The following TRAIP variants were observed in gnomAD, a reference collection of about 807,000 sequenced individuals.
TRAIP encodes the protein TRAF interacting protein, also known as E3 ubiquitin-protein ligase TRAIP.
A neutral mutation model predicts 65.0 loss-of-function variants in TRAIP; 37 were observed. The ratio of observed to expected loss-of-function variants is 0.57; its 90% confidence interval spans 0.44 to 0.75. The LOEUF (loss-of-function observed/expected upper bound fraction) is 0.75, where lower values mean the gene tolerates loss of function less well. Ranked by LOEUF, TRAIP falls within the 30% of genes least tolerant of loss-of-function variation. The pLI is 0.00. For synonymous variants in TRAIP, 187 were observed against 219.1 expected, an observed-to-expected ratio of 0.85 and a Z score of 1.29; for missense variants, 481 against 579.4, an observed-to-expected ratio of 0.83 and a Z score of 1.74.
At chr3:49,847,082 A>G (rs1466943894) in intron 3 of TRAIP, among the ~76,000 whole-genome samples, 1 of 151,968 alleles carries the variant, frequency 6.6e-6, no homozygotes, top group Non-Finnish European at 1.5e-5. Flanking sequence ...CGGGAGGCTG[A>G]AGCAGGAGAA....
At chr3:49,829,901 G>A in intron 12 of TRAIP, 119 bp downstream of exon 12, 3 of 1,580,016 alleles carry the variant, frequency 1.9e-6, no homozygotes, top group Non-Finnish European at 2.6e-6. Flanking sequence ...GAATCCCAAG[G>A]GTGGCTCCGA....
In TRAIP at chr3:49,839,806, C is replaced by T. The variant is rs772493796; in HGVS notation, c.850G>A (p.Ala284Thr). 1 of 1,614,252 alleles carries T rather than the reference C, an allele frequency of 6.2e-7. No homozygotes were observed. The highest frequency in any genetic ancestry group is 8.5e-7 in the Non-Finnish European group (1 of 1,180,042). Reference protein sequence around the residue: ...LQETLNLPPVASETVDRLVLE... With the variant: ...LQETLNLPPVTSETVDRLVLE... ...ACCAGGCGGTCGACAGTCTCACTGGCCACTGGTGGCAGGTTCAAGGTTTCC... is the reference window on the plus strand; with the variant it reads ...ACCAGGCGGTCGACAGTCTCACTGGTCACTGGTGGCAGGTTCAAGGTTTCC... The change falls in exon 10 of 15, where the codon GCC (alanine) becomes ACC (threonine). Residue 284 changes from alanine (A) to threonine (T), a missense_variant. Transcript: ENST00000331456.
chr3:49,830,961 T>C (rs2081727055), intron 11 of TRAIP, among the ~76,000 whole-genome samples: 2 of 152,186 alleles, frequency 1.3e-5, no homozygotes, highest in Non-Finnish European at 2.9e-5. Flanking sequence ...TGGAAATGTC[T>C]CTGAAAGGCC....
intron 3 of TRAIP, among the ~76,000 whole-genome samples, chr3:49,845,158 T>C (rs1353763127): frequency 2.6e-5 from 4 of 152,204 alleles, no homozygotes; most frequent in African/African-American, 9.6e-5. Flanking sequence ...CCCATGTGTC[T>C]AGTCTCTAAC....
chr3:49,854,354 A>G (rs1379807969), intron 1 of TRAIP, among the ~76,000 whole-genome samples: 1 of 152,232 alleles, frequency 6.6e-6, no homozygotes, highest in Non-Finnish European at 1.5e-5. Context: ...AAAATACCAC[A>G]CATACACACA....
chr3:49,852,473 CG>C (rs1417323258), intron 1 of TRAIP, among the ~76,000 whole-genome samples: 1 of 143,240 alleles, frequency 7.0e-6, no homozygotes, highest in African/African-American at 2.6e-5. Context: ...TTGCTCCACA[CG>C]GCCAGGCGCG....
At chr3:49,844,818 A>G (rs1365370023) in intron 3 of TRAIP, among the ~76,000 whole-genome samples, 1 of 152,274 alleles carries the variant, frequency 6.6e-6, no homozygotes, top group Non-Finnish European at 1.5e-5. Context: ...GCAAGGCCCC[A>G]GGACAGGTAA....
At chr3:49,829,560 G>T (rs2081714216) in intron 13 of TRAIP, 52 bp from the exon 14 acceptor site, 2 of 1,614,038 alleles carry the variant, frequency 1.2e-6, no homozygotes, top group African/African-American at 2.7e-5. Context: ...TGGGGGGCTG[G>T]CCACCCATTT....
At chr3:49,842,024 C>T (rs1422209902) in intron 6 of TRAIP, 85 bp from the exon 7 acceptor site, 19 of 1,105,876 alleles carry the variant, frequency 1.7e-5, no homozygotes, top group South Asian at 7.9e-5. Context: ...CCTTTGCTGC[C>T]GTTGCTAAGG....
At chr3:49,855,279 G>A (rs543491562) in intron 1 of TRAIP, among the ~76,000 whole-genome samples, 11 of 152,034 alleles carry the variant, frequency 7.2e-5, no homozygotes, top group South Asian at 4.2e-4. Context: ...GAGAAACCCT[G>A]TCTATGAAAA....
At chr3:49,830,175 G>A (rs1281318766) in intron 11 of TRAIP, 107 bp from the exon 12 acceptor site, 2 of 1,255,990 alleles carry the variant, frequency 1.6e-6, no homozygotes, top group Non-Finnish European at 2.3e-6. Flanking sequence ...CACTGCTGCT[G>A]CCATGCCTGC....
At chr3:49,841,745 T>C in intron 7 of TRAIP, 81 bp downstream of exon 7, 4 of 1,140,750 alleles carry the variant, frequency 3.5e-6, no homozygotes, top group South Asian at 1.3e-5. Context: ...CCATCTGCTT[T>C]ACAAGAGATG....
At position 49,847,550 on chromosome 3, in the gene TRAIP, T is replaced by G. The variant is rs1159643369; in HGVS notation, c.215A>C (p.Asn72Thr). ...CTTTAAGAATTCTGCATCCAAGACA[T>G]TCTCCTCCTCCTGGGCAAGATCAAA... ...LFFDLAQEEENVLDAEFLKNE... is the reference protein window; with the variant it reads ...LFFDLAQEEETVLDAEFLKNE... The change falls in exon 3 of 15, where the codon AAT becomes ACT. Residue 72 changes from asparagine (N) to threonine (T), a missense_variant. Asn to Thr is a moderately conservative substitution (Grantham distance 65). Coordinates refer to ENST00000331456, the MANE Select transcript of TRAIP (RefSeq NM_005879.3). The G allele has an allele frequency of 6.2e-7, 1 of 1,612,280 alleles. No individual in the cohort carries two copies. Among genetic ancestry groups the G allele is most frequent in the Non-Finnish European group, 8.5e-7 (1 of 1,179,382 alleles).
At chr3:49,851,767 G>T (rs2081934019) in intron 1 of TRAIP, among the ~76,000 whole-genome samples, 1 of 147,516 alleles carries the variant, frequency 6.8e-6, no homozygotes, top group African/African-American at 2.5e-5. Context: ...TGCAATCTCG[G>T]CTCACTGCAA....
At position 49,831,966 on chromosome 3, in the gene TRAIP, G is replaced by C; in HGVS notation, c.987C>G (p.Pro329=). 6.2e-7 allele frequency: 1 copy of C among 1,604,674 alleles called. No homozygotes were observed. Among genetic ancestry groups the C allele is most frequent in the Non-Finnish European group, 8.5e-7 (1 of 1,175,610 alleles). ...CGTAGTAACCATGCTGGGAGCTGGA[G>C]GGCCGGGCTGGGGGAGTATCCACAT... ...TFDVDTPPAR[P]SSSQHGYYEK... is the part of the protein sequence containing the mutation. The change falls in exon 11 of 15, where the codon CCC becomes CCG. Residue 329 remains proline, a synonymous_variant. Transcript: ENST00000331456.
chr3:49,840,300 G>T lies in TRAIP; in HGVS notation c.779C>A (p.Ala260Asp). 6.2e-7 allele frequency: 1 copy of T among 1,614,082 alleles called. No individual in the cohort carries two copies. Among genetic ancestry groups the T allele is most frequent in the Non-Finnish European group, 8.5e-7 (1 of 1,179,904 alleles). Residue 260 changes from alanine to aspartate, a missense_variant, in exon 9 of 15, where the codon GCT (alanine) becomes GAT (aspartate). Transcript: ENST00000331456. ...LKSAQKDLQS[A>D]DKEIMSLKKK... is the part of the protein sequence containing the mutation. ...GTCCCTCACCATGATTTCCTTGTCA[G>T]CACTCTGTAAGTCCTTCTGGGCTGA... is the stretch of plus-strand genomic sequence containing the variant.
intron 10 of TRAIP, among the ~76,000 whole-genome samples, chr3:49,832,945 A>C (rs2081749216): frequency 6.6e-6 from 1 of 152,122 alleles, no homozygotes; most frequent in Non-Finnish European, 1.5e-5. Context: ...GAGGAAGCCT[A>C]CCTGCATTGA....
chr3:49,833,947 T>C (rs2081758912), intron 10 of TRAIP, among the ~76,000 whole-genome samples: 1 of 152,120 alleles, frequency 6.6e-6, no homozygotes. Flanking sequence ...CTTGAGGCCC[T>C]CCTGAGTGAC....
Position 49,839,869 on chromosome 3 carries a change from G to C in TRAIP, c.796-9C>G, listed in dbSNP as rs751394626. 3.7e-6 allele frequency: 6 copies of C among 1,614,052 alleles called. No individual in the cohort carries two copies. The South Asian group carries it at 6.6e-5, about 18-fold the overall frequency. On this transcript the variant is annotated splice_polypyrimidine_tract_variant and intron_variant, in intron 9 of 14. Coordinates refer to ENST00000331456, the MANE Select transcript of TRAIP (RefSeq NM_005879.3). Reference sequence around the variant, plus strand: ...AGCTTCTTTTTCAGGCTCTTGGGGAGGGAAAGAAAAGTGTGTGAGAGAAAG... The same window carrying C: ...AGCTTCTTTTTCAGGCTCTTGGGGACGGAAAGAAAAGTGTGTGAGAGAAAG...
Sources: gnomAD v4.1 joint callset for allele counts (sites outside exome capture counted in the v4.1 genomes callset) on GRCh38, gnomAD v4.1.1 for gene constraint, MANE v1.5 for transcripts, NCBI Gene and HGNC (gene_info 2026-07-23, HGNC 2026-07-21) for gene names.